Variants in SIPA1L1 observed in about 807,000 individuals in gnomAD.
SIPA1L1 encodes signal induced proliferation associated 1 like 1, also known as signal-induced proliferation-associated 1-like protein 1.
A neutral mutation model predicts 162.7 loss-of-function variants in SIPA1L1; 26 were observed. That is an observed-to-expected ratio of 0.16 (90% CI 0.12 to 0.22). The LOEUF (loss-of-function observed/expected upper bound fraction) is 0.22. Ranked by LOEUF, SIPA1L1 falls within the 10% of genes least tolerant of loss-of-function variation. The pLI is 1.00. For missense variants in SIPA1L1, 1,874 were observed against 2,241.0 expected, an observed-to-expected ratio of 0.84 and a Z score of 3.31; for synonymous variants, 829 against 837.4, an observed-to-expected ratio of 0.99 and a Z score of 0.17.
intron 20 of SIPA1L1, among the ~76,000 whole-genome samples, chr14:71,731,986 C>T (rs915561269): frequency 1.3e-5 from 2 of 152,176 alleles, no homozygotes; most frequent in Non-Finnish European, 2.9e-5. Flanking sequence ...CATGGAAATT[C>T]GGGCCCCAGA....
Position 71,739,148 on chromosome 14 carries a change from T to C in SIPA1L1, c.5339T>C (p.Ile1780Thr), listed in dbSNP as rs1317568141. Residue 1780 changes from isoleucine (I) to threonine (T), a missense_variant, in exon 24 of 24, where the codon ATA becomes ACA. Physicochemically the swap from Ile to Thr is moderately conservative, Grantham distance 89. Transcript: ENST00000381232. ...KKFTEWVFNT[I>T]DMS ...TTCACAGAATGGGTCTTCAACACCA[T>C]AGACATGAGCTAGGGAAGGCTGAGG... 2.5e-6 allele frequency: 4 copies of C among 1,612,984 alleles called. No individual in the cohort carries two copies. Among genetic ancestry groups the C allele is most frequent in the Non-Finnish European group, 3.4e-6 (4 of 1,179,406 alleles).
chr14:71,733,488 G>A (rs1175230764), intron 20 of SIPA1L1, among the ~76,000 whole-genome samples, 178 bp from the exon 21 acceptor site: 1 of 152,246 alleles, frequency 6.6e-6, no homozygotes, highest in Non-Finnish European at 1.5e-5. Flanking sequence ...AGGCAGACTA[G>A]AGGAAGCCGA....
chr14:71,423,597 C>T (rs138458616), intron 2 of SIPA1L1, among the ~76,000 whole-genome samples: 393 of 152,244 alleles, frequency 2.6e-3, no homozygotes, highest in Non-Finnish European at 4.0e-3. Flanking sequence ...GGTCTTGGCG[C>T]TCTTGTCAAA....
At chr14:71,604,723 C>T (rs145627380) in intron 5 of SIPA1L1, among the ~76,000 whole-genome samples, 207 of 151,982 alleles carry the variant, frequency 1.4e-3, no homozygotes, top group Non-Finnish European at 2.4e-3. Context: ...TATATCTTCC[C>T]ATTCTCTACT....
chr14:71,429,668 T>G (rs1267346795), intron 2 of SIPA1L1, among the ~76,000 whole-genome samples: 1 of 152,192 alleles, frequency 6.6e-6, no homozygotes, highest in African/African-American at 2.4e-5. Flanking sequence ...ATAGACACTC[T>G]CGAATTGCTT....
chr14:71,538,579 T>C (rs1471895270), intron 4 of SIPA1L1, among the ~76,000 whole-genome samples: 5 of 152,244 alleles, frequency 3.3e-5, no homozygotes, highest in Non-Finnish European at 5.9e-5. Flanking sequence ...CTAAGCTTCA[T>C]TGTCAAGTTC....
At chr14:71,682,987 C>G (rs749237560) in intron 12 of SIPA1L1, among the ~76,000 whole-genome samples, 1 of 152,076 alleles carries the variant, frequency 6.6e-6, no homozygotes, top group African/African-American at 2.4e-5. Flanking sequence ...AACCCTGTCT[C>G]GACAAACAAT....
At chr14:71,591,806 C>CA (rs1251286900) in intron 5 of SIPA1L1, among the ~76,000 whole-genome samples, 1 of 152,160 alleles carries the variant, frequency 6.6e-6, no homozygotes, top group East Asian at 1.9e-4. Flanking sequence ...AATCTGAGTA[C>CA]AAAATCTTAG....
At chr14:71,437,578 T>G (rs2044490094) in intron 2 of SIPA1L1, among the ~76,000 whole-genome samples, 1 of 152,078 alleles carries the variant, frequency 6.6e-6, no homozygotes, top group Non-Finnish European at 1.5e-5. Flanking sequence ...GCCAGGCTGG[T>G]CTCGAACTCC....
chr14:71,490,563 A>G (rs924610706), intron 2 of SIPA1L1, among the ~76,000 whole-genome samples: 9 of 152,284 alleles, frequency 5.9e-5, no homozygotes, highest in East Asian at 1.9e-4. Flanking sequence ...TGTCCATGTT[A>G]TTATAATAAT....
chr14:71,368,407 G>C, intron 2 of SIPA1L1, among the ~76,000 whole-genome samples: 1 of 114,534 alleles, frequency 8.7e-6, no homozygotes, highest in Admixed American at 9.2e-5. Flanking sequence ...GAGAATATGC[G>C]GTGTTTGGTT....
chr14:71,613,169 A>G lies in SIPA1L1; in HGVS notation c.1499-5588A>G, dbSNP rs550549181. Among the ~76,000 whole-genome samples the G allele has an allele frequency of 2.0e-5, 3 of 152,242 alleles. No homozygotes were observed. In the East Asian group the frequency reaches 5.8e-4, roughly 29 times the overall value. ...TTTAGGAACCAAGTTTTATTTAATG[A>G]TTTTTTTATTCATAATAAAATTTTA... On this transcript the variant is annotated intron_variant, in intron 5 of 23. Coordinates refer to ENST00000381232, the MANE Select transcript of SIPA1L1 (RefSeq NM_001386936.1).
intron 2 of SIPA1L1, among the ~76,000 whole-genome samples, chr14:71,328,896 G>T (rs923734501): frequency 3.3e-5 from 5 of 152,072 alleles, no homozygotes; most frequent in African/African-American, 1.2e-4. Context: ...TTCATCTTGC[G>T]AATCTGAAAC....
intron 2 of SIPA1L1, among the ~76,000 whole-genome samples, chr14:71,462,212 A>C (rs1193878255): frequency 6.6e-6 from 1 of 152,174 alleles, no homozygotes; most frequent in Non-Finnish European, 1.5e-5. Flanking sequence ...TCTCAAAAGG[A>C]GAGTAGTTAC....
chr14:71,557,919 A>G (rs1388609211), intron 4 of SIPA1L1, among the ~76,000 whole-genome samples: 1 of 152,220 alleles, frequency 6.6e-6, no homozygotes, highest in Non-Finnish European at 1.5e-5. Context: ...CTGGAAAATG[A>G]ATATTGCTAA....
intron 2 of SIPA1L1, among the ~76,000 whole-genome samples, chr14:71,409,925 CT>C (rs2042290146): frequency 6.6e-6 from 1 of 152,144 alleles, no homozygotes; most frequent in East Asian, 1.9e-4. Context: ...ACGGGGCTTG[CT>C]TTTTGGGCTG....
At chr14:71,657,382 G>C (rs1233284589) in intron 8 of SIPA1L1, among the ~76,000 whole-genome samples, 1 of 151,742 alleles carries the variant, frequency 6.6e-6, no homozygotes, top group East Asian at 1.9e-4. Context: ...GTTGATAGAG[G>C]GTTGAGTTTA....
intron 17 of SIPA1L1, among the ~76,000 whole-genome samples, chr14:71,712,863 C>T (rs946552424): frequency 6.6e-6 from 1 of 152,220 alleles, no homozygotes; most frequent in Admixed American, 6.5e-5. Context: ...TCCAGGTCTC[C>T]TTCCTCTTGC....
chr14:71,388,594 C>T (rs1243298927), intron 2 of SIPA1L1, among the ~76,000 whole-genome samples: 1 of 152,130 alleles, frequency 6.6e-6, no homozygotes, highest in East Asian at 1.9e-4. Context: ...ACGTGCTCTT[C>T]TTTTTTAATA....
Sources: allele counts gnomAD v4.1 joint callset (sites outside exome capture counted in the v4.1 genomes callset), GRCh38; gene constraint gnomAD v4.1.1; transcripts MANE v1.5; gene names NCBI Gene and HGNC (gene_info 2026-07-23, HGNC 2026-07-21).